The following FSTL5 variants were observed in gnomAD, a reference collection of about 807,000 sequenced individuals.
The protein encoded by FSTL5 is follistatin like 5.
FSTL5 carries 62 observed loss-of-function variants against 89.1 expected under a neutral mutation model. That is an observed-to-expected ratio of 0.70 (90% CI 0.57 to 0.86). FSTL5 has a LOEUF of 0.86. Among genes scored for constraint, FSTL5 ranks in the 40% least tolerant of loss-of-function variants. The pLI is 0.00. For synonymous variants in FSTL5, 383 were observed against 346.2 expected (o/e 1.11, Z -1.18); for missense variants, 1,057 against 1,001.6 (o/e 1.06, Z -0.75).
chr4:161,597,014 T>C (rs933444142), intron 7 of FSTL5, among the ~76,000 whole-genome samples: 2 of 152,164 alleles, frequency 1.3e-5, no homozygotes, highest in African/African-American at 4.8e-5. Flanking sequence ...TCTTTTGCTG[T>C]GCAGAAGCTC....
Position 161,437,544 on chromosome 4 carries a change from T to A in FSTL5, c.1841+17460A>T, listed in dbSNP as rs1170948701. ...ATGGCGCCACCGCACTCCAGCCTGG[T>A]GACAGAGTGAGACTCCGTCTCAAAA... On this transcript the variant is annotated intron_variant, in intron 15 of 15. Coordinates refer to ENST00000306100, the MANE Select transcript of FSTL5 (RefSeq NM_020116.5). 4.8e-5 allele frequency among the ~76,000 whole-genome samples: 3 copies of A among 62,778 alleles called. No individual in the cohort carries two copies. In the Admixed American group the frequency reaches 6.7e-4, roughly 14 times the overall value. The allele number at this position is 62,778 out of a possible 152,430, so 41.2% of individuals were successfully genotyped here.
At chr4:161,853,231 A>G (rs1229909451) in intron 4 of FSTL5, among the ~76,000 whole-genome samples, 1 of 152,160 alleles carries the variant, frequency 6.6e-6, no homozygotes, top group African/African-American at 2.4e-5. Flanking sequence ...CATGTAGATC[A>G]TGTAGATTAA....
intron 2 of FSTL5, among the ~76,000 whole-genome samples, chr4:162,067,793 A>G (rs1217495855): frequency 6.6e-6 from 1 of 152,126 alleles, no homozygotes; most frequent in African/African-American, 2.4e-5. Context: ...TCCCATATCT[A>G]GAAAACCCCA....
chr4:161,550,162 T>C (rs1732150343), intron 8 of FSTL5, among the ~76,000 whole-genome samples: 1 of 151,888 alleles, frequency 6.6e-6, no homozygotes, highest in South Asian at 2.1e-4. Context: ...CTGTATCCTG[T>C]ACATTGCCCT....
chr4:161,673,001 C>G (rs1032978187), intron 6 of FSTL5, among the ~76,000 whole-genome samples: 1 of 151,914 alleles, frequency 6.6e-6, no homozygotes, highest in Non-Finnish European at 1.5e-5. Flanking sequence ...TGGAAGATTT[C>G]CATGAAATTA....
chr4:161,773,890 TTA>T (rs1432479286), intron 5 of FSTL5, among the ~76,000 whole-genome samples: 1 of 152,174 alleles, frequency 6.6e-6, no homozygotes, highest in Non-Finnish European at 1.5e-5. Flanking sequence ...ACTTGCACTC[TTA>T]TGTTTATAGT....
intron 4 of FSTL5, among the ~76,000 whole-genome samples, chr4:161,894,438 A>G (rs910306934): frequency 7.9e-5 from 12 of 152,092 alleles, no homozygotes; most frequent in African/African-American, 2.9e-4. Flanking sequence ...CTATGGGTTG[A>G]CCTGTCAAAA....
At chr4:161,737,426 A>G (rs866604299) in intron 6 of FSTL5, among the ~76,000 whole-genome samples, 2 of 152,086 alleles carry the variant, frequency 1.3e-5, no homozygotes, top group East Asian at 1.9e-4. Context: ...AATGTGGGGA[A>G]GAAGACCACA....
intron 3 of FSTL5, among the ~76,000 whole-genome samples, chr4:161,944,011 G>A (rs879323011): frequency 2.5e-4 from 38 of 152,172 alleles, no homozygotes; most frequent in Non-Finnish European, 4.4e-4. Context: ...TTTAAGGCTC[G>A]TGTTTCTGCA....
chr4:161,718,487 G>A (rs1229849402), intron 6 of FSTL5, among the ~76,000 whole-genome samples: 12 of 151,654 alleles, frequency 7.9e-5, no homozygotes, highest in African/African-American at 2.7e-4. Flanking sequence ...GGAGTGCAAC[G>A]GCGAGATCTC....
In FSTL5 at chr4:161,745,078, T is replaced by G. The variant is rs552826716; in HGVS notation, c.727+14333A>C. 2.0e-5 allele frequency among the ~76,000 whole-genome samples: 3 copies of G among 150,740 alleles called. No individual in the cohort carries two copies. The South Asian group carries it at 6.3e-4, about 31-fold the overall frequency. The stretch of plus-strand genomic sequence containing the variant: ...AGGCAAAATAAATAAATAAAAAAAA[T>G]AAAACAACAACAAAAAATAAACACA... On this transcript the variant is annotated intron_variant, in intron 6 of 15. Coordinates refer to ENST00000306100, the MANE Select transcript of FSTL5 (RefSeq NM_020116.5).
intron 12 of FSTL5, among the ~76,000 whole-genome samples, chr4:161,489,840 A>T (rs918673244): frequency 6.6e-6 from 1 of 152,184 alleles, no homozygotes; most frequent in Non-Finnish European, 1.5e-5. Context: ...CCTTTTCATT[A>T]AACTTTGAAA....
chr4:161,955,206 A>C (rs1734996541), intron 3 of FSTL5, among the ~76,000 whole-genome samples: 2 of 151,654 alleles, frequency 1.3e-5, no homozygotes, highest in African/African-American at 4.8e-5. Context: ...AGGGAAAAAC[A>C]ATGTCCCCTA....
At chr4:161,886,717 A>G (rs1197638168) in intron 4 of FSTL5, among the ~76,000 whole-genome samples, 2 of 152,176 alleles carry the variant, frequency 1.3e-5, no homozygotes, top group Non-Finnish European at 2.9e-5. Flanking sequence ...CAGAAAGCTT[A>G]GTATACTCTG....
intron 8 of FSTL5, among the ~76,000 whole-genome samples, chr4:161,561,117 C>T (rs184965953): frequency 6.6e-6 from 1 of 151,990 alleles, no homozygotes; most frequent in Admixed American, 6.6e-5. Context: ...CCATTATAAA[C>T]TTATAAGACC....
chr4:162,161,458 GA>G (rs925350227), intron 1 of FSTL5, among the ~76,000 whole-genome samples: 38 of 150,102 alleles, frequency 2.5e-4, no homozygotes, highest in Non-Finnish European at 4.8e-4. Context: ...AGAAAAATCA[GA>G]AAAAAAAATG....
At chr4:162,130,749 G>A (rs145392607) in intron 1 of FSTL5, among the ~76,000 whole-genome samples, 64 of 152,246 alleles carry the variant, frequency 4.2e-4, no homozygotes, top group African/African-American at 1.5e-3. Flanking sequence ...CTGAGGCTTA[G>A]GAATGTGCAG....
Position 161,708,172 on chromosome 4 carries a change from C to T in FSTL5, c.727+51239G>A, listed in dbSNP as rs140909911. On this transcript the variant is annotated intron_variant, in intron 6 of 15. Coordinates refer to ENST00000306100, the MANE Select transcript of FSTL5 (RefSeq NM_020116.5). ...GCAAATAAAACATTGTAAATCTTGT[C>T]TCCTTGTAGGATGTCCAAGAAGTCT... Among the ~76,000 whole-genome samples, 1,116 of 152,148 alleles carry T rather than the reference C, an allele frequency of 7.3e-3. 5 individuals carry two copies. The highest frequency in any genetic ancestry group is 0.033 in the South Asian group (159 of 4,824).
At chr4:161,913,558 C>T (rs1165884114) in intron 4 of FSTL5, among the ~76,000 whole-genome samples, 1 of 152,168 alleles carries the variant, frequency 6.6e-6, no homozygotes, top group East Asian at 1.9e-4. Flanking sequence ...TATGGAAATG[C>T]TGTCAGTTGA....
Sources: allele counts gnomAD v4.1 joint callset (sites outside exome capture counted in the v4.1 genomes callset), GRCh38; gene constraint gnomAD v4.1.1; transcripts MANE v1.5; gene names NCBI Gene and HGNC (gene_info 2026-07-23, HGNC 2026-07-21).